The following PCM1 variants were observed in gnomAD, a reference collection of about 807,000 sequenced individuals.
The protein encoded by PCM1 is pericentriolar material 1.
A neutral mutation model predicts 241.9 loss-of-function variants in PCM1; 157 were observed. The observed-to-expected ratio is 0.65, with a 90% CI of 0.57 to 0.74. The LOEUF (loss-of-function observed/expected upper bound fraction) is 0.74, where lower values mean the gene tolerates loss of function less well. PCM1 is among the 30% of genes least tolerant of loss of function. PCM1 has a pLI of 0.00. For synonymous variants in PCM1, 1,085 were observed against 784.9 expected (o/e 1.38, Z -6.39); for missense variants, 3,478 against 2,360.1 (o/e 1.47, Z -9.81).
At chr8:17,943,247 C>A (rs1390468070) in intron 6 of PCM1, among the ~76,000 whole-genome samples, 1 of 145,566 alleles carries the variant, frequency 6.9e-6, no homozygotes, top group Non-Finnish European at 1.5e-5. Flanking sequence ...AGTATTTTGG[C>A]AGTTTTTTTA....
chr8:17,963,629 C>G (rs2073556808), intron 17 of PCM1, among the ~76,000 whole-genome samples: 1 of 152,052 alleles, frequency 6.6e-6, no homozygotes, highest in Non-Finnish European at 1.5e-5. Context: ...CAGAAATAGG[C>G]CCTTTTTTGC....
intron 32 of PCM1, 55 bp from the exon 33 acceptor site, chr8:18,011,182 T>C: frequency 7.7e-7 from 1 of 1,298,560 alleles, no homozygotes; most frequent in Non-Finnish European, 1.1e-6. Flanking sequence ...ACTTACTATA[T>C]ACCTTTTACA....
At chr8:17,924,002 G>GTTTT (rs1301535556) in intron 1 of PCM1, among the ~76,000 whole-genome samples, 1 of 82,560 alleles carries the variant, frequency 1.2e-5, no homozygotes, top group Non-Finnish European at 3.3e-5. Flanking sequence ...TTTTTGTTTT[G>GTTTT]TTTTGTTTTT....
Position 17,998,118 on chromosome 8 carries a change from T to G in PCM1, c.4827+4499T>G, listed in dbSNP as rs139496707. 3.7e-3 allele frequency among the ~76,000 whole-genome samples: 560 copies of G among 152,268 alleles called. 4 individuals carry two copies. Among genetic ancestry groups the G allele is most frequent in the Non-Finnish European group, 6.2e-3 (423 of 68,026 alleles). Reference sequence around the variant, plus strand: ...TTTCCTCAAGACAGCTATTTTGAATTCTCTGTCTGAAAGGTCACATATCTC... The same window carrying G: ...TTTCCTCAAGACAGCTATTTTGAATGCTCTGTCTGAAAGGTCACATATCTC... On this transcript the variant is annotated intron_variant, in intron 29 of 38. Coordinates refer to ENST00000325083, the MANE Select transcript of PCM1 (RefSeq NM_006197.4).
chr8:17,939,968 A>C, intron 6 of PCM1, 107 bp downstream of exon 6: 3 of 1,211,024 alleles, frequency 2.5e-6, no homozygotes, highest in Non-Finnish European at 3.5e-6. Context: ...ATTTTCAAAA[A>C]ATCATGCCAT....
intron 17 of PCM1, 66 bp downstream of exon 17, chr8:17,963,357 GC>G: frequency 8.3e-7 from 1 of 1,203,280 alleles, no homozygotes; most frequent in South Asian, 1.5e-5. Flanking sequence ...TGTAGGCTAG[GC>G]AGCCACATTT....
intron 36 of PCM1, among the ~76,000 whole-genome samples, chr8:18,021,031 C>T (rs1398999202): frequency 6.6e-6 from 1 of 152,148 alleles, no homozygotes; most frequent in African/African-American, 2.4e-5. Flanking sequence ...CTGAAATTGA[C>T]AAAATATGCA....
At chr8:18,007,138 G>C (rs1207626135) in intron 30 of PCM1, among the ~76,000 whole-genome samples, 1 of 152,110 alleles carries the variant, frequency 6.6e-6, no homozygotes, top group African/African-American at 2.4e-5. Context: ...TTACCTGAAT[G>C]TTTTTCCATT....
intron 7 of PCM1, among the ~76,000 whole-genome samples, chr8:17,948,975 T>A (rs145696392): frequency 0.012 from 1,885 of 152,294 alleles, 21 homozygotes; most frequent in South Asian, 0.033. Flanking sequence ...AGTTTGTGGC[T>A]TGCCTAGATT....
In PCM1 at chr8:17,993,490, C is replaced by T. The variant is rs749428843; in HGVS notation, c.4698C>T (p.Pro1566=). 2.8e-5 allele frequency: 43 copies of T among 1,560,028 alleles called. No individual in the cohort carries two copies. Among genetic ancestry groups the T allele is most frequent in the South Asian group, 3.7e-5 (3 of 81,264 alleles). ...GTTVNNLEET[P]VIENRSSQQP... ...TTTCTTTTTAAAAATTAGAAACTCCCGTTATTGAAAATCGTAGTTCACAAC... is the reference window on the plus strand; with the variant it reads ...TTTCTTTTTAAAAATTAGAAACTCCTGTTATTGAAAATCGTAGTTCACAAC... Residue 1566 remains proline (P), a synonymous_variant, in exon 29 of 39, where the codon CCC becomes CCT. Coordinates refer to ENST00000325083, the MANE Select transcript of PCM1 (RefSeq NM_006197.4).
chr8:17,964,696 A>C lies in PCM1; in HGVS notation c.2783A>C (p.Asn928Thr). 3 of 1,613,964 alleles carry C rather than the reference A, an allele frequency of 1.9e-6. No individual in the cohort carries two copies. The highest frequency in any genetic ancestry group is 1.7e-6 in the Non-Finnish European group (2 of 1,179,828). Reference sequence around the variant, plus strand: ...GAAGAAGAGCAAGATGCCAGTTCCAATGATAACTTTTCTGTGTGTCCTTCT... The same window carrying C: ...GAAGAAGAGCAAGATGCCAGTTCCACTGATAACTTTTCTGTGTGTCCTTCT... ...EEEEEQDASS[N>T]DNFSVCPSNS... The change falls in exon 18 of 39, where the codon AAT (asparagine) becomes ACT (threonine). Residue 928 changes from asparagine (N) to threonine (T), a missense_variant. Coordinates refer to ENST00000325083, the MANE Select transcript of PCM1 (RefSeq NM_006197.4).
intron 8 of PCM1, among the ~76,000 whole-genome samples, chr8:17,952,180 G>A (rs1318797960): frequency 6.6e-6 from 1 of 151,898 alleles, no homozygotes; most frequent in Non-Finnish European, 1.5e-5. Flanking sequence ...TTGAGATCAC[G>A]CCACTGCACT....
chr8:18,017,853 CA>C (rs371622006), intron 36 of PCM1, among the ~76,000 whole-genome samples: 212 of 141,794 alleles, frequency 1.5e-3, no homozygotes, highest in African/African-American at 4.3e-3. Flanking sequence ...AACTCCATCT[CA>C]AAAAAAAAAA....
chr8:18,020,821 G>A (rs908902382), intron 36 of PCM1, among the ~76,000 whole-genome samples: 2 of 152,148 alleles, frequency 1.3e-5, no homozygotes, highest in African/African-American at 4.8e-5. Context: ...TTTGGAGTGA[G>A]TGATGATTTT....
At chr8:18,003,515 C>T (rs1361345967) in intron 29 of PCM1, among the ~76,000 whole-genome samples, 2 of 152,126 alleles carry the variant, frequency 1.3e-5, no homozygotes, top group African/African-American at 4.8e-5. Flanking sequence ...AATGTTATTG[C>T]ATGTGTTTAC....
rs569553101 is a variant in PCM1, at chr8:17,972,396, G to A, written c.3652G>A (p.Glu1218Lys). 1.9e-6 allele frequency: 3 copies of A among 1,605,412 alleles called. No individual in the cohort carries two copies. The highest frequency in any genetic ancestry group is 2.2e-5 in the East Asian group (1 of 44,760). The change falls in exon 23 of 39, where the codon GAA becomes AAA. Residue 1218 changes from glutamate (E) to lysine (K), a missense_variant. Coordinates refer to ENST00000325083, the MANE Select transcript of PCM1 (RefSeq NM_006197.4). ...RTPWLYEQEG[E>K]VEKPFIKTGF... is the part of the protein sequence containing the mutation. ...ACCATGGTTATATGAACAAGAAGGTGAAGTAGAGAAACCATTTATCAAGAC... is the reference window on the plus strand; with the variant it reads ...ACCATGGTTATATGAACAAGAAGGTAAAGTAGAGAAACCATTTATCAAGAC...
chr8:17,939,136 CCTTT>C (rs2061298916), intron 5 of PCM1, 127 bp downstream of exon 5: 1 of 789,300 alleles, frequency 1.3e-6, no homozygotes, highest in Admixed American at 3.0e-5. Context: ...TCACTGACCT[CCTTT>C]GTTAATCTGC....
At chr8:17,953,327 T>C in intron 9 of PCM1, 141 bp downstream of exon 9, 1 of 455,900 alleles carries the variant, frequency 2.2e-6, no homozygotes. Context: ...TATGAAAAGT[T>C]TCTAAGTTGC....
At chr8:17,959,878 C>G (rs1421624058) in intron 13 of PCM1, 136 bp from the exon 14 acceptor site, 2 of 714,358 alleles carry the variant, frequency 2.8e-6, no homozygotes, top group Non-Finnish European at 4.6e-6. Context: ...CACGTGTACA[C>G]ATGTATACAA....
Sources: allele counts gnomAD v4.1 joint callset (sites outside exome capture counted in the v4.1 genomes callset), GRCh38; gene constraint gnomAD v4.1.1; transcripts MANE v1.5; gene names NCBI Gene and HGNC (gene_info 2026-07-23, HGNC 2026-07-21).